Variants in IGF2R observed in about 807,000 individuals in gnomAD.
The protein encoded by IGF2R is cation-independent mannose-6-phosphate receptor.
In IGF2R, 91 loss-of-function variants were observed where a neutral mutation model predicts 270.6. The observed-to-expected ratio is 0.34, with a 90% CI of 0.28 to 0.40. The LOEUF (loss-of-function observed/expected upper bound fraction) is 0.40, where lower values mean the gene tolerates loss of function less well. Ranked by LOEUF, IGF2R falls within the 10% of genes least tolerant of loss-of-function variation. The probability of loss-of-function intolerance (pLI) is 1.00; values close to 1 mark genes in which losing one functional copy is unlikely to be tolerated. For synonymous variants in IGF2R, 1,316 were observed against 1,258.9 expected, an observed-to-expected ratio of 1.05 and a Z score of -0.96; for missense variants, 2,805 against 3,188.3, an observed-to-expected ratio of 0.88 and a Z score of 2.90.
At chr6:160,054,125 G>A (rs1034655631) in intron 19 of IGF2R, among the ~76,000 whole-genome samples, 2 of 152,172 alleles carry the variant, frequency 1.3e-5, no homozygotes, top group African/African-American at 2.4e-5. Flanking sequence ...GGGAAGTGTA[G>A]CCTCAGGCCA....
intron 7 of IGF2R, among the ~76,000 whole-genome samples, chr6:160,031,386 A>G (rs1361528422): frequency 6.6e-6 from 1 of 151,142 alleles, no homozygotes; most frequent in Admixed American, 6.6e-5. Flanking sequence ...GGTTATTAGT[A>G]TTTTTTTTTA....
Position 160,109,441 on chromosome 6 carries a change from A to ATG in IGF2R, c.*4357_*4358insTG, listed in dbSNP as rs1428502477. The ATG allele has an allele frequency of 2.6e-5, 4 of 152,266 alleles. No homozygotes were observed. Among genetic ancestry groups the ATG allele is most frequent in the African/African-American group, 7.2e-5 (3 of 41,464 alleles). The allele number at this position is 152,266 out of a possible 1,614,324, so 9.4% of individuals were successfully genotyped here. On this transcript the variant is annotated 3_prime_UTR_variant, in exon 48 of 48. Coordinates refer to ENST00000356956, the MANE Select transcript of IGF2R (RefSeq NM_000876.4). The stretch of plus-strand genomic sequence containing the variant: ...ATTTTGAGACAACATGTAGACATTC[A>ATG]AACTTACAGAACAAAGAACTATTTT...
intron 1 of IGF2R, among the ~76,000 whole-genome samples, chr6:159,981,241 G>A (rs1220999849): frequency 1.3e-5 from 2 of 152,214 alleles, no homozygotes; most frequent in Non-Finnish European, 2.9e-5. Context: ...GGAGGCAGTT[G>A]AGTGTGTATG....
At chr6:159,972,931 A>C (rs1035857106) in intron 1 of IGF2R, among the ~76,000 whole-genome samples, 4 of 152,214 alleles carry the variant, frequency 2.6e-5, no homozygotes, top group Non-Finnish European at 4.4e-5. Context: ...TCAAGTGTCA[A>C]GTGGATTACT....
intron 45 of IGF2R, among the ~76,000 whole-genome samples, chr6:160,097,411 A>C (rs1029067674): frequency 9.2e-5 from 14 of 151,910 alleles, no homozygotes; most frequent in Non-Finnish European, 2.9e-5. Context: ...GCTCGTTGCA[A>C]CCTCTGCCTC....
rs150355083 is a variant in IGF2R at position 160,037,148 on chromosome 6, G to A, written c.1315+2626G>A. ...TCCTTTATGTAAATTCAGTACCATC[G>A]TTGTACTTAACAAAATTAACAGTGA... On this transcript the variant is annotated intron_variant, in intron 10 of 47. Transcript: ENST00000356956. Among the ~76,000 whole-genome samples, 721 of 152,186 alleles carry A rather than the reference G, an allele frequency of 4.7e-3. 7 individuals are homozygous for A. Among genetic ancestry groups the A allele is most frequent in the African/African-American group, 0.016 (676 of 41,508 alleles).
At chr6:160,008,850 G>A (rs966038600) in intron 2 of IGF2R, among the ~76,000 whole-genome samples, 160 bp from the exon 3 acceptor site, 4 of 152,174 alleles carry the variant, frequency 2.6e-5, no homozygotes, top group Admixed American at 2.0e-4. Context: ...ATGTAATGGG[G>A]ATGCCACTCT....
At chr6:160,069,420 C>G (rs1293269604) in intron 30 of IGF2R, among the ~76,000 whole-genome samples, 2 of 152,076 alleles carry the variant, frequency 1.3e-5, no homozygotes, top group East Asian at 3.9e-4. Context: ...GTGGCTGTAC[C>G]CCTGTGGCAT....
At position 160,050,705 on chromosome 6, in the gene IGF2R, C is replaced by T. The variant is rs1433600307; in HGVS notation, c.2694+53C>T. 6.0e-6 allele frequency: 9 copies of T among 1,496,512 alleles called. No homozygotes were observed. In the African/African-American group the frequency reaches 9.6e-5, roughly 16 times the overall value. The allele number at this position is 1,496,512 out of a possible 1,614,324, so 92.7% of individuals were successfully genotyped here. ...TTCACTGCTGCATTTTTTGACTGAG[C>T]GTTGCCTTATGTGTCTCTTAACAGC... On this transcript the variant is annotated intron_variant, in intron 19 of 47. Coordinates refer to ENST00000356956, the MANE Select transcript of IGF2R (RefSeq NM_000876.4). This position sits in a 1 kb window ranked among gnomAD's most constrained non-coding sequence, Gnocchi z 4.0.
At chr6:159,986,284 T>C (rs1040834197) in intron 1 of IGF2R, among the ~76,000 whole-genome samples, 1 of 150,158 alleles carries the variant, frequency 6.7e-6, no homozygotes, top group Non-Finnish European at 1.5e-5. Context: ...CAGTCTGGAG[T>C]GCAGTGGTGC....
At chr6:160,075,703 G>T in intron 35 of IGF2R, 144 bp from the exon 36 acceptor site, 1 of 712,730 alleles carries the variant, frequency 1.4e-6, no homozygotes, top group Non-Finnish European at 2.3e-6. Context: ...AACTGGAGTT[G>T]GTATAAACCC....
At chr6:160,098,447 G>A (rs9456501) in intron 45 of IGF2R, among the ~76,000 whole-genome samples, 3 of 152,280 alleles carry the variant, frequency 2.0e-5, no homozygotes, top group South Asian at 2.1e-4. Context: ...AGGGATGCAG[G>A]TACCACCCGG....
intron 19 of IGF2R, among the ~76,000 whole-genome samples, chr6:160,051,911 A>G (rs965054026): frequency 1.3e-5 from 2 of 148,922 alleles, no homozygotes; most frequent in African/African-American, 5.0e-5. Flanking sequence ...TCAGTGAGCC[A>G]TGATTGCACT....
intron 9 of IGF2R, among the ~76,000 whole-genome samples, chr6:160,033,393 C>T (rs1777744000): frequency 6.6e-6 from 1 of 152,216 alleles, no homozygotes; most frequent in Admixed American, 6.5e-5. Context: ...ACATTGGCCT[C>T]CCAAAGTGCG....
At chr6:160,010,551 C>G in intron 3 of IGF2R, 136 bp from the exon 4 acceptor site, 2 of 589,938 alleles carry the variant, frequency 3.4e-6, no homozygotes, top group Non-Finnish European at 6.1e-6. Context: ...CCCCGTTTAA[C>G]TAAAGCGGTT....
At chr6:160,022,245 A>C (rs1374367720) in intron 4 of IGF2R, among the ~76,000 whole-genome samples, 1 of 152,182 alleles carries the variant, frequency 6.6e-6, no homozygotes, top group Non-Finnish European at 1.5e-5. Flanking sequence ...GAAAGGTGAG[A>C]GGGTGGGAGG....
chr6:160,095,344 T>C (rs906045714), intron 44 of IGF2R: 1 of 152,574 alleles, frequency 6.6e-6, no homozygotes, highest in Non-Finnish European at 1.5e-5. Flanking sequence ...CTCAGTGTTA[T>C]GTGCACTGGA....
chr6:160,062,467 C>T lies in IGF2R; in HGVS notation c.3583-65C>T, dbSNP rs146785492. 887 of 1,289,166 alleles carry T rather than the reference C, an allele frequency of 6.9e-4. 2 individuals carry two copies. In the African/African-American group the frequency reaches 8.7e-3, roughly 13 times the overall value. 79.9% of individuals were successfully genotyped at this position (1,289,166 alleles called of 1,614,324 possible). ...GATTACAGGTGTGAGCCACCGTGCC[C>T]GGCCCCATTTGATTAATTTTTAAAA... is the stretch of plus-strand genomic sequence containing the variant. On this transcript the variant is annotated intron_variant, in intron 25 of 47. Coordinates refer to ENST00000356956, the MANE Select transcript of IGF2R (RefSeq NM_000876.4).
chr6:159,988,568 C>G (rs1200105111), intron 1 of IGF2R, among the ~76,000 whole-genome samples: 1 of 149,304 alleles, frequency 6.7e-6, no homozygotes, highest in Non-Finnish European at 1.5e-5. Flanking sequence ...ACGTGTGGAT[C>G]TCTTTAGCGT....
Sources: gnomAD v4.1 joint callset for allele counts (sites outside exome capture counted in the v4.1 genomes callset) on GRCh38, gnomAD v4.1.1 for gene constraint, Gnocchi (gnomAD v3.1) non-coding constraint, MANE v1.5 for transcripts, NCBI Gene and HGNC (gene_info 2026-07-23, HGNC 2026-07-21) for gene names.